Variants in CEP128 observed in about 807,000 individuals in gnomAD.
The protein encoded by CEP128 is centrosomal protein 128kDa.
CEP128 carries 132 observed loss-of-function variants against 156.7 expected under a neutral mutation model. The observed-to-expected ratio is 0.84, with a 90% CI of 0.73 to 0.97. The LOEUF (loss-of-function observed/expected upper bound fraction) is 0.97, where lower values mean the gene tolerates loss of function less well. Among genes scored for constraint, CEP128 ranks in the 50% least tolerant of loss-of-function variants. CEP128 has a pLI of 0.00. For missense variants in CEP128, 1,252 were observed against 1,281.9 expected, an observed-to-expected ratio of 0.98 and a Z score of 0.36; for synonymous variants, 469 against 448.9, an observed-to-expected ratio of 1.04 and a Z score of -0.57.
At chr14:80,900,977 C>A (rs1449972071) in intron 6 of CEP128, among the ~76,000 whole-genome samples, 4 of 151,814 alleles carry the variant, frequency 2.6e-5, no homozygotes, top group South Asian at 4.2e-4. Context: ...GAGGCCGAGG[C>A]GGGCGGATCA....
intron 19 of CEP128, among the ~76,000 whole-genome samples, chr14:80,700,428 A>C (rs1202701342): frequency 6.6e-6 from 1 of 152,044 alleles, no homozygotes; most frequent in East Asian, 1.9e-4. Context: ...ATTAATAGGT[A>C]ATTATCCAAA....
Position 80,547,532 on chromosome 14 carries a change from G to A in CEP128, c.2880+11747C>T, listed in dbSNP as rs1036929999. On this transcript the variant is annotated intron_variant, in intron 21 of 24. Coordinates refer to ENST00000555265, the MANE Select transcript of CEP128 (RefSeq NM_152446.5). ...TGGCCTCTAGACTTCTCTTGAATAG[G>A]GTGAGGGGTATTGACAAGGATTTCT... Among the ~76,000 whole-genome samples, 8 of 152,208 alleles carry A rather than the reference G, an allele frequency of 5.3e-5. No individual in the cohort carries two copies. The South Asian group carries it at 1.7e-3, about 32-fold the overall frequency.
intron 20 of CEP128, among the ~76,000 whole-genome samples, chr14:80,575,149 T>C (rs1199318712): frequency 2.0e-5 from 3 of 149,918 alleles, no homozygotes; most frequent in Non-Finnish European, 4.4e-5. Flanking sequence ...ATATAGTATA[T>C]GAAATATTCA....
intron 14 of CEP128, among the ~76,000 whole-genome samples, chr14:80,482,076 T>C (rs1252067081): frequency 6.6e-6 from 1 of 152,204 alleles, no homozygotes; most frequent in African/African-American, 2.4e-5. Flanking sequence ...GTGCTGCTCC[T>C]TTTTTTATGA....
intron 19 of CEP128, among the ~76,000 whole-genome samples, chr14:80,669,272 A>C (rs1279543625): frequency 1.3e-5 from 2 of 152,218 alleles, no homozygotes; most frequent in African/African-American, 4.8e-5. Flanking sequence ...AGAATTCATG[A>C]CTAAAACCTC....
chr14:80,687,694 T>A (rs1216421538), intron 19 of CEP128, among the ~76,000 whole-genome samples: 3 of 152,044 alleles, frequency 2.0e-5, no homozygotes, highest in Non-Finnish European at 4.4e-5. Context: ...AATATAGCCA[T>A]GCAATAAAAG....
chr14:80,932,242 C>T (rs984764007), intron 2 of CEP128, among the ~76,000 whole-genome samples: 2 of 152,218 alleles, frequency 1.3e-5, no homozygotes, highest in African/African-American at 4.8e-5. Context: ...TACCCAGTCT[C>T]GGGTATTTCT....
intron 19 of CEP128, among the ~76,000 whole-genome samples, chr14:80,674,252 A>G (rs553477736): frequency 7.9e-5 from 12 of 152,294 alleles, no homozygotes; most frequent in African/African-American, 2.9e-4. Context: ...ACTAACAGCA[A>G]TGGACACCAT....
At chr14:80,852,015 T>C (rs1886916217) in intron 9 of CEP128, among the ~76,000 whole-genome samples, 1 of 151,986 alleles carries the variant, frequency 6.6e-6, no homozygotes, top group Non-Finnish European at 1.5e-5. Context: ...AAGCTTTAGA[T>C]ATATGTACTA....
chr14:80,674,072 G>GTTT (rs140431428), intron 19 of CEP128, among the ~76,000 whole-genome samples: 8 of 148,292 alleles, frequency 5.4e-5, no homozygotes, highest in African/African-American at 2.0e-4. Flanking sequence ...ATAATTCATA[G>GTTT]TTTTTTTTTT....
chr14:80,811,805 G>C (rs1040504157), intron 13 of CEP128, among the ~76,000 whole-genome samples: 7 of 142,418 alleles, frequency 4.9e-5, no homozygotes, highest in African/African-American at 1.8e-4. Context: ...GTGTGTGTGT[G>C]CACACGCATG....
At chr14:80,539,116 A>T (rs895111589) in intron 21 of CEP128, among the ~76,000 whole-genome samples, 2 of 152,250 alleles carry the variant, frequency 1.3e-5, no homozygotes, top group African/African-American at 4.8e-5. Flanking sequence ...TGAATGCCTC[A>T]GACACTGTTC....
At chr14:80,599,475 C>T (rs892317933) in intron 19 of CEP128, among the ~76,000 whole-genome samples, 4 of 151,738 alleles carry the variant, frequency 2.6e-5, no homozygotes, top group Non-Finnish European at 4.4e-5. Flanking sequence ...CGGGGTTTCA[C>T]CATGTTAGCC....
chr14:80,941,246 T>C (rs1052106187), intron 1 of CEP128, among the ~76,000 whole-genome samples: 1 of 152,196 alleles, frequency 6.6e-6, no homozygotes, highest in Admixed American at 6.5e-5. Flanking sequence ...CTGGAGGACC[T>C]ACCGAATGAG....
chr14:80,656,279 T>TATATA lies in CEP128; in HGVS notation c.2807-75857_2807-75856insTATAT, dbSNP rs1895140152. Among the ~76,000 whole-genome samples, 5 of 47,126 alleles carry TATATA rather than the reference T, an allele frequency of 1.1e-4. 1 individual carries two copies. Among genetic ancestry groups the TATATA allele is most frequent in the Admixed American group, 6.1e-4 (2 of 3,270 alleles). 30.9% of individuals were successfully genotyped at this position (47,126 alleles called of 152,430 possible). On this transcript the variant is annotated intron_variant, in intron 19 of 24. Coordinates refer to ENST00000555265, the MANE Select transcript of CEP128 (RefSeq NM_152446.5). ...TTTCTCAATAAACCTAAGTTTTTAT[T>TATATA]TATATATATATTTATATATATATAT...
At chr14:80,857,215 CT>C (rs34279371) in intron 9 of CEP128, among the ~76,000 whole-genome samples, 68,154 of 137,292 alleles carry the variant, frequency 0.5, 16,751 homozygotes, top group East Asian at 0.75. Context: ...GTGGTTTTGG[CT>C]TTTTTTTTTT....
intron 19 of CEP128, among the ~76,000 whole-genome samples, chr14:80,595,795 C>G (rs1892288948): frequency 6.6e-6 from 1 of 152,088 alleles, no homozygotes; most frequent in Admixed American, 6.5e-5. Context: ...GGAGGCCTCA[C>G]AATCATGGCA....
chr14:80,488,020 T>C (rs1315417321), downstream of CEP128, among the ~76,000 whole-genome samples: 1 of 148,632 alleles, frequency 6.7e-6, no homozygotes, highest in Non-Finnish European at 1.5e-5. Context: ...AAGAAATAAC[T>C]AAAATCAGAG....
intron 19 of CEP128, among the ~76,000 whole-genome samples, chr14:80,715,782 T>A (rs1449449369): frequency 6.6e-6 from 1 of 152,214 alleles, no homozygotes; most frequent in Non-Finnish European, 1.5e-5. Flanking sequence ...GAATTACTAA[T>A]CTCACTGTAC....
Sources: allele counts gnomAD v4.1 joint callset (sites outside exome capture counted in the v4.1 genomes callset), GRCh38; gene constraint gnomAD v4.1.1; transcripts MANE v1.5; gene names NCBI Gene and HGNC (gene_info 2026-07-23, HGNC 2026-07-21).